The following FNTB variants were observed in gnomAD, a reference collection of about 807,000 sequenced individuals.
FNTB encodes farnesyltransferase, CAAX box, subunit beta.
In FNTB, 27 loss-of-function variants were observed where a neutral mutation model predicts 59.4. The observed-to-expected ratio is 0.45, with a 90% confidence interval of 0.34 to 0.63. The LOEUF is 0.63. Ranked by LOEUF, FNTB falls within the 20% of genes least tolerant of loss-of-function variation. The probability of loss-of-function intolerance (pLI) is 0.02; values close to 1 mark genes in which losing one functional copy is unlikely to be tolerated. For missense variants in FNTB, 449 were observed against 559.6 expected (o/e 0.80, Z 1.99); for synonymous variants, 230 against 220.7 (o/e 1.04, Z -0.37).
intron 4 of FNTB, chr14:65,021,963 G>A (rs774838427): frequency 8.3e-5 from 38 of 455,766 alleles, no homozygotes; most frequent in African/African-American, 4.6e-4. Flanking sequence ...GCCAACTTTC[G>A]ACCTGACCAT....
intron 1 of FNTB, among the ~76,000 whole-genome samples, chr14:65,000,894 G>A (rs1328773488): frequency 2.0e-5 from 3 of 148,914 alleles, no homozygotes; most frequent in East Asian, 2.0e-4. Context: ...AAGAAGAGGC[G>A]ATTCCTAAAT....
chr14:65,010,440 A>G (rs758861577), intron 2 of FNTB, among the ~76,000 whole-genome samples: 5 of 152,238 alleles, frequency 3.3e-5, no homozygotes, highest in African/African-American at 4.8e-5. Context: ...ACCTGAATGC[A>G]GTCCCAGCAT....
chr14:65,033,369 A>C (rs1279647969), intron 7 of FNTB, among the ~76,000 whole-genome samples: 1 of 152,234 alleles, frequency 6.6e-6, no homozygotes, highest in Admixed American at 6.5e-5. Flanking sequence ...ATAAACACCA[A>C]ATTTAGCATA....
rs920984032 is a variant in FNTB at position 65,015,852 on chromosome 14, C to T, written c.374+136C>T. 26 of 923,226 alleles carry T rather than the reference C, an allele frequency of 2.8e-5. No individual in the cohort carries two copies. In the African/African-American group the frequency reaches 3.8e-4, roughly 14 times the overall value. 57.2% of individuals were successfully genotyped at this position (923,226 alleles called of 1,614,324 possible). A position where few individuals can be genotyped will look rare whatever the true frequency, so the allele number is the denominator to read the frequency against. On this transcript the variant is annotated intron_variant, in intron 4 of 11. Transcript: ENST00000246166. The stretch of plus-strand genomic sequence containing the variant: ...AAGAAATCTTTGCTCTTCTCATGAC[C>T]TCCGGCAACTTCCTGAAACTCCTCC...
rs962105649 is a variant in FNTB, at chr14:65,001,893, G to T, written c.145-2356G>T. Among the ~76,000 whole-genome samples the T allele has an allele frequency of 6.6e-6, 1 of 152,190 alleles. No homozygotes were observed. Among genetic ancestry groups the T allele is most frequent in the East Asian group, 1.9e-4 (1 of 5,202 alleles). ...TGGTGACGTCAGTCTGTTTTTTGAA[G>T]TATTATAACCTTTTAAACAGATCAT... On this transcript the variant is annotated intron_variant, in intron 1 of 11. Transcript: ENST00000246166. This position sits in a 1 kb window ranked among gnomAD's most constrained non-coding sequence, Gnocchi z 5.5.
chr14:65,040,497 A>G lies in FNTB; in HGVS notation c.693-293A>G, dbSNP rs185844902. On this transcript the variant is annotated intron_variant, in intron 7 of 11. Coordinates refer to ENST00000246166, the MANE Select transcript of FNTB (RefSeq NM_002028.4). ...ACTCTTTCACCCGGGCTGGAGCACA[A>G]TGGTGTGATCATAGCTCACTGCAGC... 4.6e-5 allele frequency among the ~76,000 whole-genome samples: 7 copies of G among 151,754 alleles called. No homozygotes were observed. In the East Asian group the frequency reaches 7.8e-4, roughly 17 times the overall value.
chr14:65,034,168 C>T (rs541467004), intron 7 of FNTB, among the ~76,000 whole-genome samples: 19 of 152,276 alleles, frequency 1.2e-4, no homozygotes, highest in African/African-American at 3.8e-4. Context: ...TCTGTGCACA[C>T]GTGCGTTTTG....
At position 64,997,307 on chromosome 14, in the gene FNTB, C is replaced by T. The variant is rs1057346273; in HGVS notation, c.145-6942C>T. On this transcript the variant is annotated intron_variant, in intron 1 of 11. Transcript: ENST00000246166. The surrounding 1 kb of genome is among the most constrained non-coding windows in gnomAD (Gnocchi z 4.5). ...TTGCATTTCTGACTGGCTGACTCCA[C>T]ACAGACAGGTCCTGTGGCCCCACCC... is the stretch of plus-strand genomic sequence containing the variant. 1.3e-5 allele frequency among the ~76,000 whole-genome samples: 2 copies of T among 152,206 alleles called. No individual in the cohort carries two copies. The highest frequency in any genetic ancestry group is 2.4e-5 in the African/African-American group (1 of 41,456).
In FNTB at chr14:65,013,705, G is replaced by A. The variant is rs141696983; in HGVS notation, c.282+1316G>A. Among the ~76,000 whole-genome samples, 365 of 152,166 alleles carry A rather than the reference G, an allele frequency of 2.4e-3. 2 individuals carry two copies. The highest frequency in any genetic ancestry group is 8.3e-3 in the African/African-American group (343 of 41,528). ...CAGGATTACAGGTGTGCACCATCAC[G>A]CCTGGCTAATTTTTGTATTTTTAGT... On this transcript the variant is annotated intron_variant, in intron 3 of 11. Transcript: ENST00000246166.
chr14:65,057,886 ACT>A, intron 11 of FNTB, among the ~76,000 whole-genome samples: 1 of 151,934 alleles, frequency 6.6e-6, no homozygotes, highest in African/African-American at 2.4e-5. Context: ...CTGTTTCTGG[ACT>A]CTCTTATTTT....
rs768909472 is a variant in FNTB, at chr14:65,054,648, A to T, written c.1141A>T (p.Met381Leu). 9.9e-6 allele frequency: 16 copies of T among 1,613,442 alleles called. No individual in the cohort carries two copies. Among genetic ancestry groups the T allele is most frequent in the Non-Finnish European group, 1.4e-5 (16 of 1,179,714 alleles). Residue 381 changes from methionine to leucine, a missense_variant, in exon 11 of 12, where the codon ATG becomes TTG. Transcript: ENST00000246166. This position sits in a 1 kb window ranked among gnomAD's most constrained non-coding sequence, Gnocchi z 4.4. The stretch of plus-strand genomic sequence containing the variant: ...AGCCCAGCACTTCGGCAGCGGAGCC[A>T]TGTTGCATGATGTGGTCCTGGGTGT... ...SIAQHFGSGAMLHDVVLGVPE... is the reference protein window; with the variant it reads ...SIAQHFGSGALLHDVVLGVPE...
intron 7 of FNTB, among the ~76,000 whole-genome samples, chr14:65,037,402 CCTTTTTTTTTTTTTTTTTTTTTTTTTTTT>C (rs1371527116): frequency 1.5e-3 from 22 of 14,534 alleles, no homozygotes; most frequent in African/African-American, 4.4e-3. Flanking sequence ...CACGCCGGGC[CCTTTTTTTTTTTTTTTTTTTTTTTTTTTT>C]TTTTTTTTTT....
chr14:65,004,551 A>G (rs201402631), intron 2 of FNTB, among the ~76,000 whole-genome samples: 36 of 152,340 alleles, frequency 2.4e-4, no homozygotes, highest in East Asian at 7.7e-4. Flanking sequence ...ATTCCCCTCA[A>G]TGCCTCAATT....
At chr14:65,019,744 T>C (rs1323805053) in intron 4 of FNTB, among the ~76,000 whole-genome samples, 2 of 152,206 alleles carry the variant, frequency 1.3e-5, no homozygotes, top group African/African-American at 4.8e-5. Flanking sequence ...TGTATTTTGC[T>C]TTGTGCCTAG....
intron 8 of FNTB, among the ~76,000 whole-genome samples, chr14:65,043,642 G>A (rs1441330164): frequency 6.6e-6 from 1 of 151,504 alleles, no homozygotes; most frequent in East Asian, 1.9e-4. Flanking sequence ...CTAACAAGGT[G>A]AAACCCCGTC....
At chr14:65,022,345 C>T (rs1027996367) in intron 4 of FNTB, among the ~76,000 whole-genome samples, 11 of 150,646 alleles carry the variant, frequency 7.3e-5, no homozygotes, top group Non-Finnish European at 1.3e-4. Context: ...TATAACTTAT[C>T]CTAGGCCTTA....
chr14:65,032,759 A>G lies in FNTB; in HGVS notation c.692+63A>G, dbSNP rs959654503. ...GCAGGCGGTCACGACACTACTTCAGAAAAATAAAGAAAATGCAGAGGGACT... is the reference window on the plus strand; with the variant it reads ...GCAGGCGGTCACGACACTACTTCAGGAAAATAAAGAAAATGCAGAGGGACT... On this transcript the variant is annotated intron_variant, in intron 7 of 11. Coordinates refer to ENST00000246166, the MANE Select transcript of FNTB (RefSeq NM_002028.4). The surrounding 1 kb of genome is among the most constrained non-coding windows in gnomAD (Gnocchi z 5.0). The G allele has an allele frequency of 2.7e-6, 4 of 1,495,214 alleles. No individual in the cohort carries two copies. The highest frequency in any genetic ancestry group is 3.6e-6 in the Non-Finnish European group (4 of 1,103,408). The allele number at this position is 1,495,214 out of a possible 1,614,324, so 92.6% of individuals were successfully genotyped here.
At chr14:65,035,804 G>A (rs1377940626) in intron 7 of FNTB, among the ~76,000 whole-genome samples, 2 of 151,720 alleles carry the variant, frequency 1.3e-5, no homozygotes, top group African/African-American at 4.8e-5. Flanking sequence ...AAAGTTCAAG[G>A]ATTACAGGCA....
chr14:65,001,331 T>C lies in FNTB; in HGVS notation c.145-2918T>C, dbSNP rs1888592643. On this transcript the variant is annotated intron_variant, in intron 1 of 11. Transcript: ENST00000246166. This position sits in a 1 kb window ranked among gnomAD's most constrained non-coding sequence, Gnocchi z 5.5. The stretch of plus-strand genomic sequence containing the variant: ...TTAGATATACAAAGGCTTACTATTG[T>C]GTTACATTTGCCTACAGTATTCAGT... 1.3e-5 allele frequency among the ~76,000 whole-genome samples: 2 copies of C among 152,240 alleles called. No homozygotes were observed. Among genetic ancestry groups the C allele is most frequent in the Admixed American group, 1.3e-4 (2 of 15,288 alleles).
Sources: gnomAD v4.1 joint callset for allele counts (sites outside exome capture counted in the v4.1 genomes callset) on GRCh38, gnomAD v4.1.1 for gene constraint, Gnocchi (gnomAD v3.1) non-coding constraint, MANE v1.5 for transcripts, NCBI Gene and HGNC (gene_info 2026-07-23, HGNC 2026-07-21) for gene names.